Variants in NRXN3 observed in about 807,000 individuals in gnomAD.
NRXN3 encodes the protein neurexin 3.
Under a neutral mutation model 137.6 loss-of-function variants are expected in NRXN3, and 32 were observed. That is an observed-to-expected ratio of 0.23 (90% CI 0.18 to 0.31). The LOEUF (loss-of-function observed/expected upper bound fraction) is 0.31, where lower values mean the gene tolerates loss of function less well. Ranked by LOEUF, NRXN3 falls within the 10% of genes least tolerant of loss-of-function variation. The pLI is 1.00. For synonymous variants in NRXN3, 798 were observed against 784.5 expected (o/e 1.02, Z -0.29); for missense variants, 1,574 against 2,062.5 (o/e 0.76, Z 4.59).
At chr14:78,456,883 T>C (rs2094747094) in intron 4 of NRXN3, among the ~76,000 whole-genome samples, 1 of 148,438 alleles carries the variant, frequency 6.7e-6, no homozygotes, top group Non-Finnish European at 1.5e-5. Context: ...CTTTCTTTCC[T>C]TCTTTCGTTC....
chr14:78,776,652 G>A (rs2153011775), intron 8 of NRXN3, among the ~76,000 whole-genome samples: 1 of 152,266 alleles, frequency 6.6e-6, no homozygotes, highest in Middle Eastern at 3.4e-3. Context: ...AGCAGAGGTG[G>A]TAAAAATGCT....
intron 4 of NRXN3, among the ~76,000 whole-genome samples, chr14:78,314,249 G>A (rs544928060): frequency 6.6e-6 from 1 of 152,296 alleles, no homozygotes; most frequent in African/African-American, 2.4e-5. Context: ...AGAAGAGTGG[G>A]TTGAAAATGG....
intron 1 of NRXN3, among the ~76,000 whole-genome samples, chr14:78,173,708 G>GTTTTTTTTTTTTTT (rs1296589683): frequency 1.0e-3 from 9 of 8,982 alleles, no homozygotes; most frequent in Non-Finnish European, 1.2e-3. Context: ...CTTTTTCCTT[G>GTTTTTTTTTTTTTT]CTTTTTTTTT....
rs1016768032 is a variant in NRXN3, at chr14:79,467,147, G to T, written c.3263-74G>T. ...CCTCTCTGCAGCTGTTCTGTGTAGGGTCTCAACAGTGTGCTACAGCTGGCT... is the reference window on the plus strand; with the variant it reads ...CCTCTCTGCAGCTGTTCTGTGTAGGTTCTCAACAGTGTGCTACAGCTGGCT... On this transcript the variant is annotated intron_variant, in intron 15 of 20. Coordinates refer to ENST00000335750, the MANE Select transcript of NRXN3 (RefSeq NM_001330195.2). 47 of 1,423,606 alleles carry T rather than the reference G, an allele frequency of 3.3e-5. No individual in the cohort carries two copies. In the South Asian group the frequency reaches 4.6e-4, roughly 14 times the overall value. The allele number at this position is 1,423,606 out of a possible 1,614,324, so 88.2% of individuals were successfully genotyped here.
chr14:79,103,448 T>C (rs1326001877), intron 15 of NRXN3, among the ~76,000 whole-genome samples: 21 of 152,122 alleles, frequency 1.4e-4, no homozygotes, highest in Non-Finnish European at 1.5e-5. Flanking sequence ...AACACGTTCT[T>C]GGGAAAAGAT....
chr14:78,933,768 T>G (rs1414645457), intron 10 of NRXN3, among the ~76,000 whole-genome samples: 1 of 152,228 alleles, frequency 6.6e-6, no homozygotes, highest in Non-Finnish European at 1.5e-5. Flanking sequence ...ATCATCTTTA[T>G]GGTGAGAACA....
At chr14:79,703,376 C>T (rs566875293) in intron 19 of NRXN3, among the ~76,000 whole-genome samples, 5 of 152,238 alleles carry the variant, frequency 3.3e-5, no homozygotes, top group African/African-American at 4.8e-5. Context: ...TCCTGCGCAA[C>T]GTCTGTTCTG....
At chr14:79,768,189 C>G (rs1228437582) in intron 19 of NRXN3, among the ~76,000 whole-genome samples, 1 of 152,198 alleles carries the variant, frequency 6.6e-6, no homozygotes, top group East Asian at 1.9e-4. Context: ...AGCAGCCAGA[C>G]TGGGGGAGGG....
At chr14:79,638,331 T>G (rs1276527830) in intron 16 of NRXN3, among the ~76,000 whole-genome samples, 2 of 149,494 alleles carry the variant, frequency 1.3e-5, no homozygotes, top group Non-Finnish European at 2.9e-5. Context: ...TAGGTTTAAG[T>G]TTGAGTTCTT....
intron 15 of NRXN3, among the ~76,000 whole-genome samples, chr14:79,466,323 C>G (rs1273659191): frequency 6.6e-6 from 1 of 152,186 alleles, no homozygotes; most frequent in Admixed American, 6.5e-5. Flanking sequence ...TACGGTGGCT[C>G]ACGCCTGTAA....
At chr14:78,314,397 G>A (rs1266322516) in intron 4 of NRXN3, among the ~76,000 whole-genome samples, 1 of 152,136 alleles carries the variant, frequency 6.6e-6, no homozygotes, top group Non-Finnish European at 1.5e-5. Context: ...ATTGGTGGGT[G>A]GTGAAGTGGG....
At chr14:79,084,514 C>T (rs1289299827) in intron 15 of NRXN3, among the ~76,000 whole-genome samples, 3 of 152,142 alleles carry the variant, frequency 2.0e-5, no homozygotes, top group South Asian at 2.1e-4. Context: ...CCACATGAGA[C>T]AAAATTGTCA....
chr14:79,084,057 G>C (rs1432405558), intron 15 of NRXN3, among the ~76,000 whole-genome samples: 1 of 152,026 alleles, frequency 6.6e-6, no homozygotes, highest in Admixed American at 6.6e-5. Context: ...CTACAGGCCT[G>C]TACCACCATG....
intron 15 of NRXN3, among the ~76,000 whole-genome samples, chr14:79,146,779 G>A (rs1411744544): frequency 6.6e-6 from 1 of 152,164 alleles, no homozygotes; most frequent in Non-Finnish European, 1.5e-5. Flanking sequence ...ATCTAAGAGG[G>A]AGCTCTCGGA....
chr14:78,437,351 T>G (rs906425015), intron 4 of NRXN3, among the ~76,000 whole-genome samples: 1 of 151,430 alleles, frequency 6.6e-6, no homozygotes, highest in Non-Finnish European at 1.5e-5. Context: ...CTTTTTCTTT[T>G]TTTTTTTTTA....
intron 10 of NRXN3, among the ~76,000 whole-genome samples, chr14:78,881,621 AG>A (rs1369715707): frequency 1.3e-5 from 2 of 151,674 alleles, no homozygotes; most frequent in African/African-American, 2.4e-5. Context: ...ATTTCTAAGC[AG>A]CAAAGTGTTC....
chr14:79,166,795 A>G (rs2061325598), intron 15 of NRXN3, among the ~76,000 whole-genome samples: 1 of 151,922 alleles, frequency 6.6e-6, no homozygotes. Context: ...GCAAGATGCT[A>G]CATCTATCTG....
chr14:79,654,211 G>T (rs759558869), intron 16 of NRXN3, among the ~76,000 whole-genome samples: 1 of 151,930 alleles, frequency 6.6e-6, no homozygotes, highest in Non-Finnish European at 1.5e-5. Context: ...TATGTTACAG[G>T]TTCCTCATTT....
At chr14:78,945,232 T>C (rs1381262746) in intron 10 of NRXN3, among the ~76,000 whole-genome samples, 1 of 152,234 alleles carries the variant, frequency 6.6e-6, no homozygotes, top group East Asian at 1.9e-4. Context: ...GTTTTATTTT[T>C]TCTGGAGAGG....
Sources: gnomAD v4.1 joint callset for allele counts (sites outside exome capture counted in the v4.1 genomes callset) on GRCh38, gnomAD v4.1.1 for gene constraint, MANE v1.5 for transcripts, NCBI Gene and HGNC (gene_info 2026-07-23, HGNC 2026-07-21) for gene names.